The following ARHGEF10 variants were observed in gnomAD, a reference collection of about 807,000 sequenced individuals.
The protein encoded by ARHGEF10 is Rho guanine nucleotide exchange factor 10.
A neutral mutation model predicts 147.4 loss-of-function variants in ARHGEF10; 140 were observed. The observed-to-expected ratio is 0.95, with a 90% CI of 0.83 to 1.09. The LOEUF is 1.09. ARHGEF10 is among the 50% of genes least tolerant of loss of function. The probability of loss-of-function intolerance (pLI) is 0.00; values close to 1 mark genes in which losing one functional copy is unlikely to be tolerated. For missense variants in ARHGEF10, 2,222 were observed against 1,752.7 expected (o/e 1.27, Z -4.78); for synonymous variants, 902 against 695.8 (o/e 1.30, Z -4.67).
intron 15 of ARHGEF10, among the ~76,000 whole-genome samples, chr8:1,900,950 C>A (rs1288465907): frequency 6.6e-6 from 1 of 152,046 alleles, no homozygotes; most frequent in African/African-American, 2.4e-5. Context: ...AACTGCAGAT[C>A]CTAGATGTGC....
At chr8:1,907,190 A>T (rs1472203201) in intron 17 of ARHGEF10, among the ~76,000 whole-genome samples, 1 of 152,178 alleles carries the variant, frequency 6.6e-6, no homozygotes, top group Non-Finnish European at 1.5e-5. Context: ...CCCTGGTGTT[A>T]TGAGGTGCTT....
At chr8:1,912,263 C>T (rs1469476729) in intron 18 of ARHGEF10, among the ~76,000 whole-genome samples, 1 of 149,242 alleles carries the variant, frequency 6.7e-6, no homozygotes, top group African/African-American at 2.5e-5. Flanking sequence ...GTTTGCCGTG[C>T]GGTATTAGAC....
intron 11 of ARHGEF10, among the ~76,000 whole-genome samples, chr8:1,892,199 T>A (rs1006798217): frequency 2.0e-5 from 3 of 151,580 alleles, no homozygotes; most frequent in Non-Finnish European, 4.4e-5. Flanking sequence ...AGCTCTCGTT[T>A]GAAAGGGAAG....
At chr8:1,836,766 A>G (rs1318411786) in intron 1 of ARHGEF10, among the ~76,000 whole-genome samples, 1 of 152,176 alleles carries the variant, frequency 6.6e-6, no homozygotes, top group Non-Finnish European at 1.5e-5. Context: ...TGTATCTCCC[A>G]GAATTCCCAT....
intron 11 of ARHGEF10, among the ~76,000 whole-genome samples, chr8:1,890,923 C>G (rs1488697140): frequency 6.6e-6 from 1 of 152,158 alleles, no homozygotes; most frequent in Admixed American, 6.5e-5. Context: ...AGGGTTTAAG[C>G]TTCCCAAATT....
intron 23 of ARHGEF10, 70 bp downstream of exon 23, chr8:1,926,533 G>C (rs764795419): frequency 7.0e-7 from 1 of 1,427,932 alleles, no homozygotes; most frequent in Non-Finnish European, 9.9e-7. Flanking sequence ...TGTGATGAGA[G>C]ACTGAGATGT....
rs77619122 is a variant in ARHGEF10, at chr8:1,906,472, G to T, written c.1967+756G>T. Among the ~76,000 whole-genome samples, 1,427 of 152,244 alleles carry T rather than the reference G, an allele frequency of 9.4e-3. 17 individuals carry two copies. The highest frequency in any genetic ancestry group is 0.033 in the African/African-American group (1,376 of 41,532). ...TGTTAGGAGCCTGTCCTCCCAGTGA[G>T]AGCCAGCTGTTAAACGTTTGCCAGC... is the stretch of plus-strand genomic sequence containing the variant. On this transcript the variant is annotated intron_variant, in intron 17 of 28. Coordinates refer to ENST00000349830, the MANE Select transcript of ARHGEF10 (RefSeq NM_014629.4).
At chr8:1,950,594 G>A (rs1188157253) in intron 27 of ARHGEF10, among the ~76,000 whole-genome samples, 13 of 151,850 alleles carry the variant, frequency 8.6e-5, no homozygotes, top group Admixed American at 7.9e-4. Context: ...GTGCAGTGGT[G>A]CGATCTTGGC....
intron 5 of ARHGEF10, 57 bp from the exon 6 acceptor site, chr8:1,866,469 T>C: frequency 6.7e-7 from 1 of 1,503,606 alleles, no homozygotes; most frequent in Non-Finnish European, 9.2e-7. Context: ...GCAGTTGGCA[T>C]CCTAGTGACT....
In ARHGEF10 at chr8:1,862,027, A is replaced by T. The variant is rs866771360; in HGVS notation, c.481+1843A>T. Reference sequence around the variant, plus strand: ...GTAATAAAGCCTTGTTCTAATAAAGACTATTTTAAGTCCCGGAGTAGAGGA... The same window carrying T: ...GTAATAAAGCCTTGTTCTAATAAAGTCTATTTTAAGTCCCGGAGTAGAGGA... On this transcript the variant is annotated intron_variant, in intron 4 of 28. Transcript: ENST00000349830. 5.8e-4 allele frequency among the ~76,000 whole-genome samples: 89 copies of T among 152,324 alleles called. 2 individuals carry two copies. The highest frequency in any genetic ancestry group is 3.4e-3 in the Middle Eastern group (1 of 294).
At chr8:1,883,785 C>A (rs1585384534) in intron 10 of ARHGEF10, among the ~76,000 whole-genome samples, 1 of 152,172 alleles carries the variant, frequency 6.6e-6, no homozygotes, top group Admixed American at 6.5e-5. Context: ...TATTACACAG[C>A]CCCTGGAAAG....
intron 1 of ARHGEF10, among the ~76,000 whole-genome samples, chr8:1,842,572 G>T (rs924262196): frequency 6.6e-6 from 1 of 152,254 alleles, no homozygotes; most frequent in East Asian, 1.9e-4. Context: ...TGCGGCGAGG[G>T]CCTGGAGCTG....
chr8:1,908,673 C>T (rs748545475), intron 17 of ARHGEF10, among the ~76,000 whole-genome samples: 3 of 152,156 alleles, frequency 2.0e-5, no homozygotes, highest in Non-Finnish European at 4.4e-5. Flanking sequence ...GCCTTGGAGT[C>T]CGCTACACAG....
chr8:1,942,351 A>G (rs1585627771), intron 26 of ARHGEF10, among the ~76,000 whole-genome samples: 1 of 151,734 alleles, frequency 6.6e-6, no homozygotes, highest in African/African-American at 2.4e-5. Flanking sequence ...TAGGCACACG[A>G]GAAGATGGTC....
intron 22 of ARHGEF10, among the ~76,000 whole-genome samples, chr8:1,925,839 G>A (rs1452104316): frequency 6.6e-6 from 1 of 152,216 alleles, no homozygotes; most frequent in African/African-American, 2.4e-5. Flanking sequence ...TCTTATTAAT[G>A]TTCCCAGTGT....
intron 8 of ARHGEF10, among the ~76,000 whole-genome samples, chr8:1,878,153 C>T (rs758770939): frequency 1.3e-4 from 20 of 151,806 alleles, no homozygotes; most frequent in African/African-American, 3.6e-4. Flanking sequence ...ATTACAACTG[C>T]GATTTAAACA....
At chr8:1,905,358 T>C (rs551318554) in intron 16 of ARHGEF10, among the ~76,000 whole-genome samples, 1 of 152,162 alleles carries the variant, frequency 6.6e-6, no homozygotes, top group Non-Finnish European at 1.5e-5. Flanking sequence ...TCCTGGTTAA[T>C]GTAGTGTTTA....
chr8:1,858,202 G>A (rs1585288501), intron 3 of ARHGEF10, 87 bp downstream of exon 3: 9 of 1,255,672 alleles, frequency 7.2e-6, no homozygotes, highest in Admixed American at 2.6e-5. Context: ...GTCACCAGGT[G>A]AGTTCCCAGG....
At chr8:1,857,153 C>G (rs537946985) in intron 2 of ARHGEF10, among the ~76,000 whole-genome samples, 11 of 152,274 alleles carry the variant, frequency 7.2e-5, no homozygotes, top group African/African-American at 2.2e-4. Flanking sequence ...GTATTTTAAG[C>G]TATATATCGG....
Sources: allele counts gnomAD v4.1 joint callset (sites outside exome capture counted in the v4.1 genomes callset), GRCh38; gene constraint gnomAD v4.1.1; transcripts MANE v1.5; gene names NCBI Gene and HGNC (gene_info 2026-07-23, HGNC 2026-07-21).